Variants in MARCHF11 observed in about 807,000 individuals in gnomAD.
The protein encoded by MARCHF11 is membrane associated ring-CH-type finger 11.
A neutral mutation model predicts 37.3 loss-of-function variants in MARCHF11; 29 were observed. The observed-to-expected ratio is 0.78, with a 90% CI of 0.58 to 1.06. The LOEUF (loss-of-function observed/expected upper bound fraction) is 1.06. Among genes scored for constraint, MARCHF11 ranks in the 50% least tolerant of loss-of-function variants. The pLI is 0.00. For synonymous variants in MARCHF11, 233 were observed against 228.0 expected, an observed-to-expected ratio of 1.02 and a Z score of -0.20; for missense variants, 482 against 533.4, an observed-to-expected ratio of 0.90 and a Z score of 0.95.
chr5:16,098,766 T>C (rs1325069189), intron 2 of MARCHF11, among the ~76,000 whole-genome samples: 2 of 138,196 alleles, frequency 1.4e-5, no homozygotes, highest in Admixed American at 1.4e-4. Context: ...AGACTCCATC[T>C]CAAAAAAAAA....
At chr5:16,123,289 C>T (rs1368869943) in intron 2 of MARCHF11, among the ~76,000 whole-genome samples, 1 of 152,014 alleles carries the variant, frequency 6.6e-6, no homozygotes, top group Non-Finnish European at 1.5e-5. Context: ...TCTCAAATGA[C>T]TGGTCTCCTT....
intron 2 of MARCHF11, among the ~76,000 whole-genome samples, chr5:16,101,759 ATTGCTGTTTTCAACC>A (rs1337433781): frequency 6.6e-6 from 1 of 152,210 alleles, no homozygotes; most frequent in Non-Finnish European, 1.5e-5. Context: ...TCAACAGGCT[ATTGCTGTTTTCAACC>A]TTGCTTTTGG....
intron 2 of MARCHF11, among the ~76,000 whole-genome samples, chr5:16,125,872 C>G (rs1192096254): frequency 6.6e-6 from 1 of 152,122 alleles, no homozygotes. Context: ...GTAAGCTGCA[C>G]TTGTACTTTT....
chr5:16,177,993 T>C (rs772805326), intron 1 of MARCHF11, 112 bp from the exon 2 acceptor site: 4 of 1,025,106 alleles, frequency 3.9e-6, no homozygotes, highest in Non-Finnish European at 5.4e-6. Flanking sequence ...AGCATCAGGC[T>C]CTATCATAGG....
intron 2 of MARCHF11, among the ~76,000 whole-genome samples, chr5:16,167,425 C>G (rs911078529): frequency 2.6e-5 from 4 of 152,090 alleles, no homozygotes; most frequent in Admixed American, 2.0e-4. Context: ...TAATGATGTT[C>G]CAGCATGAAA....
intron 2 of MARCHF11, among the ~76,000 whole-genome samples, chr5:16,152,097 G>T (rs1737899234): frequency 6.6e-6 from 1 of 151,818 alleles, no homozygotes; most frequent in Non-Finnish European, 1.5e-5. Context: ...AGAACGAAAA[G>T]GTTTTTTCAG....
chr5:16,068,180 C>G (rs1736380546), intron 3 of MARCHF11, among the ~76,000 whole-genome samples: 1 of 152,182 alleles, frequency 6.6e-6, no homozygotes, highest in South Asian at 2.1e-4. Context: ...TTGAACCCAG[C>G]TGGCAGTTTA....
chr5:16,078,348 A>G (rs1438544553), intron 3 of MARCHF11, among the ~76,000 whole-genome samples: 1 of 152,194 alleles, frequency 6.6e-6, no homozygotes, highest in Non-Finnish European at 1.5e-5. Context: ...AATGCTTAGA[A>G]TGTTGCCCAG....
intron 2 of MARCHF11, among the ~76,000 whole-genome samples, chr5:16,137,544 A>C (rs1431863016): frequency 6.6e-6 from 1 of 152,212 alleles, no homozygotes; most frequent in Non-Finnish European, 1.5e-5. Flanking sequence ...AGATATTGGT[A>C]CTGGTAAAGT....
At position 16,091,084 on chromosome 5, in the gene MARCHF11, A is replaced by G. The variant is rs867684237; in HGVS notation, c.694-3T>C. 1.0e-5 allele frequency: 16 copies of G among 1,572,380 alleles called. No homozygotes were observed. The Middle Eastern group carries it at 1.3e-3, about 132-fold the overall frequency. On this transcript the variant is annotated splice_polypyrimidine_tract_variant and splice_region_variant and intron_variant, in intron 2 of 3. Transcript: ENST00000332432. ...AGTGTTATAGAAATGCTCTGCCACTAAAAGAAAAACAGAGGCATGTAAGAA... is the reference window on the plus strand; with the variant it reads ...AGTGTTATAGAAATGCTCTGCCACTGAAAGAAAAACAGAGGCATGTAAGAA...
chr5:16,113,473 A>T (rs1312024876), intron 2 of MARCHF11, among the ~76,000 whole-genome samples: 2 of 152,222 alleles, frequency 1.3e-5, no homozygotes, highest in African/African-American at 4.8e-5. Flanking sequence ...CTAGGATTTT[A>T]CATAGTCTTA....
At chr5:16,113,335 C>A (rs1737178542) in intron 2 of MARCHF11, among the ~76,000 whole-genome samples, 1 of 152,072 alleles carries the variant, frequency 6.6e-6, no homozygotes, top group Non-Finnish European at 1.5e-5. Context: ...TTCACTATTT[C>A]AATAGTGTTC....
At chr5:16,163,958 A>G (rs1738128424) in intron 2 of MARCHF11, among the ~76,000 whole-genome samples, 1 of 151,948 alleles carries the variant, frequency 6.6e-6, no homozygotes, top group Non-Finnish European at 1.5e-5. Flanking sequence ...TTAAGTGAGG[A>G]CACAGTGTCT....
At chr5:16,136,770 A>G (rs1227909868) in intron 2 of MARCHF11, among the ~76,000 whole-genome samples, 1 of 152,210 alleles carries the variant, frequency 6.6e-6, no homozygotes, top group Admixed American at 6.5e-5. Context: ...ATAAAAGTAA[A>G]TAGCAGGATA....
In MARCHF11 at chr5:16,179,341, C is replaced by T. The variant is rs1320702578; in HGVS notation, c.235G>A (p.Ala79Thr). The T allele has an allele frequency of 9.2e-6, 11 of 1,196,182 alleles. No individual in the cohort carries two copies. The South Asian group carries it at 1.8e-4, about 20-fold the overall frequency. 74.1% of individuals were successfully genotyped at this position (1,196,182 alleles called of 1,614,324 possible). ...LGEVAPRCRG[A>T]DELPPPPLPL... ...AGGGGCGGAGGCGGCAGCTCGTCCG[C>T]TCCCCTGCACCGCGGGGCCACCTCC... The change falls in exon 1 of 4, where the codon GCG becomes ACG. Residue 79 changes from alanine to threonine, a missense_variant. By Grantham distance (58) the Ala-to-Thr change is moderately conservative. Transcript: ENST00000332432.
chr5:16,101,072 GAA>G (rs79164619), intron 2 of MARCHF11, among the ~76,000 whole-genome samples: 1 of 142,808 alleles, frequency 7.0e-6, no homozygotes, highest in African/African-American at 2.5e-5. Context: ...TATCTCACAG[GAA>G]AAAAAAAAAA....
At chr5:16,102,409 T>C (rs1736971733) in intron 2 of MARCHF11, among the ~76,000 whole-genome samples, 1 of 152,236 alleles carries the variant, frequency 6.6e-6, no homozygotes, top group African/African-American at 2.4e-5. Flanking sequence ...TTGACATCCC[T>C]GTTTGCCTGC....
chr5:16,106,780 C>T (rs1018183136), intron 2 of MARCHF11, among the ~76,000 whole-genome samples: 2 of 152,188 alleles, frequency 1.3e-5, no homozygotes, highest in African/African-American at 4.8e-5. Context: ...ATGGACAGGA[C>T]AGACCTTGCA....
intron 2 of MARCHF11, among the ~76,000 whole-genome samples, chr5:16,114,588 G>A (rs912616298): frequency 3.9e-5 from 6 of 151,912 alleles, no homozygotes; most frequent in African/African-American, 4.8e-5. Flanking sequence ...AGAATCACTC[G>A]ATAGCCCAAC....
Sources: gnomAD v4.1 joint callset for allele counts (sites outside exome capture counted in the v4.1 genomes callset) on GRCh38, gnomAD v4.1.1 for gene constraint, MANE v1.5 for transcripts, NCBI Gene and HGNC (gene_info 2026-07-23, HGNC 2026-07-21) for gene names.